The following ZSCAN30 variants were observed in gnomAD, a reference collection of about 807,000 sequenced individuals.
The protein encoded by ZSCAN30 is zinc finger and SCAN domain-containing protein 30.
Under a neutral mutation model 44.3 loss-of-function variants are expected in ZSCAN30, and 37 were observed. The observed-to-expected ratio is 0.84, with a 90% CI of 0.64 to 1.10. The LOEUF is 1.10. Ranked by LOEUF, ZSCAN30 falls within the 50% of genes least tolerant of loss-of-function variation. ZSCAN30 has a pLI of 0.00. For synonymous variants in ZSCAN30, 181 were observed against 204.6 expected, an observed-to-expected ratio of 0.88 and a Z score of 0.98; for missense variants, 549 against 582.6, an observed-to-expected ratio of 0.94 and a Z score of 0.59.
chr18:35,264,087 TC>T lies in ZSCAN30; in HGVS notation c.265del (p.Glu89SerfsTer3), dbSNP rs1432068236. On this transcript the variant is annotated frameshift_variant, in exon 2 of 4. Coordinates refer to ENST00000333206, the MANE Select transcript of ZSCAN30 (RefSeq NM_001112734.4). LOFTEE classifies it high-confidence loss of function. Reference protein sequence around the residue: ...PEVHSKEQILELLMLEQFLAI... With the variant: ...PEVHSKEQILXLLMLEQFLAI... Reference sequence around the variant, plus strand: ...CAGGAACTGCTCCAACATCAGCAGCTCCAGGATCTGCTCCTTGGAGTGCACC... The same window carrying T: ...CAGGAACTGCTCCAACATCAGCAGCTCAGGATCTGCTCCTTGGAGTGCACC... 6.2e-7 allele frequency: 1 copy of T among 1,614,126 alleles called. No homozygotes were observed. Among genetic ancestry groups the T allele is most frequent in the South Asian group, 1.1e-5 (1 of 91,084 alleles).
chr18:35,261,879 C>T (rs2044035882), intron 3 of ZSCAN30: 2 of 152,090 alleles, frequency 1.3e-5, no homozygotes, highest in Admixed American at 6.5e-5. Context: ...TTTCAAAACC[C>T]GTTTTAATGT....
chr18:35,283,058 G>C (rs1238509902), intron 1 of ZSCAN30: 1 of 152,050 alleles, frequency 6.6e-6, no homozygotes, highest in African/African-American at 2.4e-5. Flanking sequence ...GGATAAAGAA[G>C]GTCATTTCAT....
At chr18:35,261,791 G>A (rs2044034224) in intron 3 of ZSCAN30, 2 of 152,244 alleles carry the variant, frequency 1.3e-5, no homozygotes, top group South Asian at 2.1e-4. Context: ...GAAGCTTTGG[G>A]GCTGAGACGA....
At chr18:35,279,079 A>C (rs1021042719) in intron 1 of ZSCAN30, among the ~76,000 whole-genome samples, 8 of 152,216 alleles carry the variant, frequency 5.3e-5, no homozygotes, top group African/African-American at 1.9e-4. Flanking sequence ...TTTTCTATTA[A>C]GAATTTCAAA....
At chr18:35,276,530 A>G (rs1342480171) in intron 1 of ZSCAN30, among the ~76,000 whole-genome samples, 1 of 152,136 alleles carries the variant, frequency 6.6e-6, no homozygotes, top group Non-Finnish European at 1.5e-5. Flanking sequence ...CGCTCCAGCC[A>G]TGGCTGAAAG....
At chr18:35,288,943 C>T (rs1481323985) in intron 1 of ZSCAN30, among the ~76,000 whole-genome samples, 3 of 135,692 alleles carry the variant, frequency 2.2e-5, no homozygotes, top group Non-Finnish European at 1.6e-5. Flanking sequence ...GTCAGTTATA[C>T]CTCAATAAAG....
chr18:35,260,444 T>C (rs2043999750), intron 3 of ZSCAN30: 1 of 152,198 alleles, frequency 6.6e-6, no homozygotes, highest in Non-Finnish European at 1.5e-5. Context: ...CACACTGTCT[T>C]CCACAATGGT....
At chr18:35,285,493 T>G (rs1385481808) in intron 1 of ZSCAN30, among the ~76,000 whole-genome samples, 1 of 152,206 alleles carries the variant, frequency 6.6e-6, no homozygotes, top group East Asian at 1.9e-4. Flanking sequence ...AGACCATGTT[T>G]TGGGCCATTA....
rs1021452653 is a variant in ZSCAN30, at chr18:35,251,645, G to T, written c.*1805C>A. 6.6e-6 allele frequency: 1 copy of T among 152,136 alleles called. No individual in the cohort carries two copies. The highest frequency in any genetic ancestry group is 6.5e-5 in the Admixed American group (1 of 15,274). The allele number at this position is 152,136 out of a possible 1,614,324, so 9.4% of individuals were successfully genotyped here. On this transcript the variant is annotated 3_prime_UTR_variant, in exon 4 of 4. Coordinates refer to ENST00000333206, the MANE Select transcript of ZSCAN30 (RefSeq NM_001112734.4). ...TGTTCTCATGATAGTGAATTCTCAT[G>T]AGATTTGGCTGATTGATAAGTGCCT... is the stretch of plus-strand genomic sequence containing the variant.
At chr18:35,283,455 C>G (rs900651365) in intron 1 of ZSCAN30, 3 of 152,240 alleles carry the variant, frequency 2.0e-5, no homozygotes, top group African/African-American at 7.2e-5. Context: ...ATCGTTCTGC[C>G]CACTCAGCCT....
At chr18:35,263,296 G>T in intron 3 of ZSCAN30, 1 of 522,428 alleles carries the variant, frequency 1.9e-6, no homozygotes, top group South Asian at 3.6e-5. Context: ...GGGTATTAGA[G>T]AATTTTACTA....
At chr18:35,263,110 G>A (rs1173855804) in intron 3 of ZSCAN30, 4 of 340,698 alleles carry the variant, frequency 1.2e-5, no homozygotes, top group South Asian at 4.6e-5. Flanking sequence ...GCATGGTGGT[G>A]TACAACTGTA....
At chr18:35,272,917 T>C (rs902426506) in intron 1 of ZSCAN30, among the ~76,000 whole-genome samples, 1 of 152,174 alleles carries the variant, frequency 6.6e-6, no homozygotes, top group African/African-American at 2.4e-5. Context: ...TTTCCCCTTA[T>C]CAAACCATCA....
intron 1 of ZSCAN30, among the ~76,000 whole-genome samples, chr18:35,278,693 C>T (rs2044406442): frequency 1.3e-5 from 2 of 152,124 alleles, no homozygotes; most frequent in Non-Finnish European, 2.9e-5. Flanking sequence ...TATCTCTTTC[C>T]TCTCATATTT....
intron 3 of ZSCAN30, among the ~76,000 whole-genome samples, chr18:35,256,751 T>G (rs2043836293): frequency 6.6e-6 from 1 of 151,752 alleles, no homozygotes; most frequent in Non-Finnish European, 1.5e-5. Context: ...TTAGAAGAGC[T>G]CTTCTGTTTT....
At chr18:35,264,799 C>T (rs571781178) in intron 1 of ZSCAN30, among the ~76,000 whole-genome samples, 1 of 152,252 alleles carries the variant, frequency 6.6e-6, no homozygotes, top group South Asian at 2.1e-4. Context: ...TAGCTTGATA[C>T]TTAACATAAA....
chr18:35,271,352 T>C (rs1165919700), intron 1 of ZSCAN30, among the ~76,000 whole-genome samples: 2 of 152,102 alleles, frequency 1.3e-5, no homozygotes, highest in Non-Finnish European at 2.9e-5. Context: ...AGAGTGCTGA[T>C]TGGTGTATTT....
intron 3 of ZSCAN30, chr18:35,258,186 T>C (rs752862051): frequency 1.9e-5 from 11 of 569,260 alleles, no homozygotes; most frequent in Non-Finnish European, 2.8e-5. Flanking sequence ...CTTTCAAGAC[T>C]GAAAAGAGAC....
intron 3 of ZSCAN30, chr18:35,258,225 G>T (rs1472342516): frequency 3.9e-6 from 2 of 507,422 alleles, no homozygotes; most frequent in African/African-American, 3.9e-5. Context: ...CAGGAACCCA[G>T]TCAAGGCCAT....
Sources: allele counts gnomAD v4.1 joint callset (sites outside exome capture counted in the v4.1 genomes callset), GRCh38; gene constraint gnomAD v4.1.1; transcripts MANE v1.5; gene names NCBI Gene and HGNC (gene_info 2026-07-23, HGNC 2026-07-21).